CTNNA3: variants seen among roughly 807,000 people sequenced by gnomAD.
CTNNA3 encodes catenin alpha-3.
Under a neutral mutation model 95.7 loss-of-function variants are expected in CTNNA3, and 76 were observed. The ratio of observed to expected loss-of-function variants is 0.79; its 90% confidence interval spans 0.66 to 0.96. The LOEUF (loss-of-function observed/expected upper bound fraction) is 0.96, where lower values mean the gene tolerates loss of function less well. Ranked by LOEUF, CTNNA3 falls within the 40% of genes least tolerant of loss-of-function variation. The pLI is 0.00. For synonymous variants in CTNNA3, 431 were observed against 374.4 expected, an observed-to-expected ratio of 1.15 and a Z score of -1.74; for missense variants, 1,191 against 1,089.8, an observed-to-expected ratio of 1.09 and a Z score of -1.31.
intron 5 of CTNNA3, among the ~76,000 whole-genome samples, chr10:67,298,671 T>G (rs1437841115): frequency 2.0e-5 from 3 of 152,230 alleles, no homozygotes; most frequent in Non-Finnish European, 4.4e-5. Context: ...GATATACTGT[T>G]GTCCCTGCCA....
chr10:67,349,753 T>A (rs901495138), intron 5 of CTNNA3, among the ~76,000 whole-genome samples: 27 of 152,114 alleles, frequency 1.8e-4, no homozygotes, highest in Admixed American at 5.2e-4. Context: ...CAAAGAAGCA[T>A]GCTGTAATGG....
At chr10:66,713,515 G>A (rs1224354851) in intron 9 of CTNNA3, among the ~76,000 whole-genome samples, 2 of 152,026 alleles carry the variant, frequency 1.3e-5, no homozygotes, top group South Asian at 2.1e-4. Flanking sequence ...ACCTAGAGTT[G>A]GAAGCTCAAT....
chr10:66,379,067 G>C, intron 12 of CTNNA3, 85 bp downstream of exon 12: 2 of 1,176,964 alleles, frequency 1.7e-6, no homozygotes, highest in Non-Finnish European at 1.3e-6. Context: ...ACACAGACTA[G>C]AATCTTTCCC....
chr10:66,178,409 A>G (rs2085841716), intron 13 of CTNNA3, among the ~76,000 whole-genome samples: 2 of 30,518 alleles, frequency 6.6e-5, no homozygotes, highest in East Asian at 1.4e-3. Flanking sequence ...GTATATATAT[A>G]TATATATATA....
At position 67,068,715 on chromosome 10, in the gene CTNNA3, A is replaced by G. The variant is rs528994455; in HGVS notation, c.1047+111602T>C. 9.2e-5 allele frequency among the ~76,000 whole-genome samples: 14 copies of G among 152,346 alleles called. No homozygotes were observed. In the South Asian group the frequency reaches 2.9e-3, roughly 32 times the overall value. On this transcript the variant is annotated intron_variant, in intron 7 of 17. Coordinates refer to ENST00000433211, the MANE Select transcript of CTNNA3 (RefSeq NM_013266.4). ...AATGACCCAAATATGTTAGAAAAAG[A>G]CTAAAATAATCCATCAGATTTGTTC...
chr10:66,978,682 T>G (rs1386121535), intron 7 of CTNNA3, among the ~76,000 whole-genome samples: 1 of 148,432 alleles, frequency 6.7e-6, no homozygotes, highest in Non-Finnish European at 1.5e-5. Flanking sequence ...AAATAGCAAA[T>G]AAAAATTAGC....
At position 67,336,059 on chromosome 10, in the gene CTNNA3, C is replaced by T. The variant is rs931384682; in HGVS notation, c.580-116189G>A. 3.6e-4 allele frequency among the ~76,000 whole-genome samples: 55 copies of T among 151,870 alleles called. 1 individual carries two copies. The highest frequency in any genetic ancestry group is 1.3e-3 in the African/African-American group (52 of 41,336). On this transcript the variant is annotated intron_variant, in intron 5 of 17. Coordinates refer to ENST00000433211, the MANE Select transcript of CTNNA3 (RefSeq NM_013266.4). Reference sequence around the variant, plus strand: ...TACAATGATCTGTGATCTATGTTACCATCGTAATTGTTGTGGGGCACCATG... The same window carrying T: ...TACAATGATCTGTGATCTATGTTACTATCGTAATTGTTGTGGGGCACCATG...
intron 5 of CTNNA3, among the ~76,000 whole-genome samples, chr10:67,348,550 A>G (rs923235211): frequency 1.3e-5 from 2 of 152,028 alleles, no homozygotes; most frequent in African/African-American, 4.8e-5. Flanking sequence ...GCTTCCAACA[A>G]TGGTGGAAGG....
intron 7 of CTNNA3, among the ~76,000 whole-genome samples, chr10:66,967,343 TATAGATAG>T (rs72083996): frequency 1.2e-4 from 18 of 150,940 alleles, no homozygotes; most frequent in South Asian, 6.3e-4. Flanking sequence ...CATATATATA[TATAGATAG>T]ATAGATAGAT....
In CTNNA3 at chr10:65,959,339, C is replaced by G. The variant is rs566075672; in HGVS notation, c.2400+7273G>C. 1.5e-4 allele frequency among the ~76,000 whole-genome samples: 23 copies of G among 152,288 alleles called. No individual in the cohort carries two copies. In the South Asian group the frequency reaches 2.3e-3, roughly 15 times the overall value. On this transcript the variant is annotated intron_variant, in intron 17 of 17. Coordinates refer to ENST00000433211, the MANE Select transcript of CTNNA3 (RefSeq NM_013266.4). The stretch of plus-strand genomic sequence containing the variant: ...GGGAATTCCCCGACCCCTTGTGCTT[C>G]CTGGGTGAGGCAATGCCCCTCCCTG...
At chr10:67,021,198 T>G (rs1343596957) in intron 7 of CTNNA3, among the ~76,000 whole-genome samples, 3 of 152,110 alleles carry the variant, frequency 2.0e-5, no homozygotes, top group African/African-American at 7.2e-5. Context: ...AGAAGTTCAA[T>G]TATCCAACAC....
intron 13 of CTNNA3, among the ~76,000 whole-genome samples, chr10:66,177,368 A>C (rs1191928200): frequency 2.0e-5 from 3 of 152,048 alleles, no homozygotes; most frequent in African/African-American, 7.2e-5. Flanking sequence ...TAGGTCCAAA[A>C]AATGAGTAGA....
At chr10:66,162,610 C>T (rs1408008833) in intron 13 of CTNNA3, among the ~76,000 whole-genome samples, 2 of 152,016 alleles carry the variant, frequency 1.3e-5, no homozygotes, top group Non-Finnish European at 2.9e-5. Flanking sequence ...AGTGGAGGTG[C>T]TGGGTCGGGG....
Position 67,744,295 on chromosome 10 carries a change from CA to C in CTNNA3, c.-2+19138del, listed in dbSNP as rs1394339446. Among the ~76,000 whole-genome samples, 3 of 151,012 alleles carry C rather than the reference CA, an allele frequency of 2.0e-5. 1 individual carries two copies. On this transcript the variant is annotated intron_variant, in intron 1 of 17. Transcript: ENST00000684154. ...AACCAAAACAGCATGGTACTGGTAC[CA>C]AAACAGAGATATAGATCAATGGAAC... is the stretch of plus-strand genomic sequence containing the variant.
intron 5 of CTNNA3, among the ~76,000 whole-genome samples, chr10:67,401,093 T>C (rs1393756918): frequency 2.0e-5 from 3 of 151,938 alleles, no homozygotes; most frequent in African/African-American, 7.3e-5. Context: ...ATAAATGACA[T>C]CATAAAAGTG....
chr10:65,939,342 A>T (rs533369443), intron 17 of CTNNA3, among the ~76,000 whole-genome samples: 9 of 152,328 alleles, frequency 5.9e-5, no homozygotes, highest in Non-Finnish European at 1.5e-5. Flanking sequence ...TGAATGACTT[A>T]TAAAGTCCCA....
At chr10:66,883,834 C>T (rs1844934861) in intron 7 of CTNNA3, among the ~76,000 whole-genome samples, 1 of 152,010 alleles carries the variant, frequency 6.6e-6, no homozygotes, top group Non-Finnish European at 1.5e-5. Flanking sequence ...GAATTGAAGG[C>T]AAGGGTGGAG....
intron 17 of CTNNA3, among the ~76,000 whole-genome samples, chr10:65,953,528 C>A (rs906215000): frequency 6.6e-6 from 1 of 152,002 alleles, no homozygotes; most frequent in African/African-American, 2.4e-5. Context: ...AATGCTATCC[C>A]TCCCCCCTCC....
At chr10:67,675,999 C>T (rs945005439) in intron 1 of CTNNA3, among the ~76,000 whole-genome samples, 3 of 151,806 alleles carry the variant, frequency 2.0e-5, no homozygotes, top group African/African-American at 7.3e-5. Flanking sequence ...GGATCAATAA[C>T]CAATATATTT....
Sources: allele counts gnomAD v4.1 joint callset (sites outside exome capture counted in the v4.1 genomes callset), GRCh38; gene constraint gnomAD v4.1.1; transcripts MANE v1.5; gene names NCBI Gene and HGNC (gene_info 2026-07-23, HGNC 2026-07-21).